The following FLVCR2 variants were observed in gnomAD, a reference collection of about 807,000 sequenced individuals.
FLVCR2 encodes the protein FLVCR choline and putative heme transporter 2.
FLVCR2 carries 38 observed loss-of-function variants against 48.9 expected under a neutral mutation model. That is an observed-to-expected ratio of 0.78 (90% CI 0.60 to 1.02). The LOEUF (loss-of-function observed/expected upper bound fraction) is 1.02, where lower values mean the gene tolerates loss of function less well. Among genes scored for constraint, FLVCR2 ranks in the 50% least tolerant of loss-of-function variants. The pLI is 0.00. For synonymous variants in FLVCR2, 255 were observed against 257.0 expected (o/e 0.99, Z 0.07); for missense variants, 664 against 663.3 (o/e 1.00, Z -0.01).
intron 1 of FLVCR2, among the ~76,000 whole-genome samples, chr14:75,621,168 C>T (rs1889754405): frequency 6.6e-6 from 1 of 152,102 alleles, no homozygotes; most frequent in Admixed American, 6.5e-5. Context: ...TGGTTTAGCA[C>T]TTTGGGAGGC....
At chr14:75,612,537 C>T (rs1309514519) in intron 1 of FLVCR2, among the ~76,000 whole-genome samples, 1 of 152,198 alleles carries the variant, frequency 6.6e-6, no homozygotes, top group Non-Finnish European at 1.5e-5. Context: ...TGAAGGCCTG[C>T]TACCTCCTTG....
At chr14:75,598,740 G>A (rs1889087179) in intron 1 of FLVCR2, among the ~76,000 whole-genome samples, 1 of 152,124 alleles carries the variant, frequency 6.6e-6, no homozygotes, top group Non-Finnish European at 1.5e-5. Context: ...CCTCCCACAG[G>A]GCTGGGATTA....
Position 75,633,662 on chromosome 14 carries a change from C to T in FLVCR2, c.986C>T (p.Thr329Ile), listed in dbSNP as rs763074367. Residue 329 changes from threonine (T) to isoleucine (I), a missense_variant, in exon 4 of 10, where the codon ACT becomes ATT. Physicochemically the swap from Thr to Ile is moderately conservative, Grantham distance 89. Transcript: ENST00000238667. ...LNAGAFYALS[T>I]LLNRMVIWHY... is the part of the protein sequence containing the mutation. ...GCTGGTGCTTTTTATGCCTTGTCCA[C>T]TCTTCTGAATCGCATGGTGATCTGG... The T allele has an allele frequency of 2.5e-6, 4 of 1,614,126 alleles. No homozygotes were observed. In the East Asian group the frequency reaches 6.7e-5, roughly 27 times the overall value.
chr14:75,617,021 T>G (rs1889636937), intron 1 of FLVCR2, among the ~76,000 whole-genome samples: 1 of 152,184 alleles, frequency 6.6e-6, no homozygotes, highest in South Asian at 2.1e-4. Flanking sequence ...ATCTGTGTGC[T>G]AGGGTTCTGA....
In FLVCR2 at chr14:75,641,002, A is replaced by G; in HGVS notation, c.1283A>G (p.Glu428Gly). 1 of 1,613,926 alleles carries G rather than the reference A, an allele frequency of 6.2e-7. No individual in the cohort carries two copies. The highest frequency in any genetic ancestry group is 8.5e-7 in the Non-Finnish European group (1 of 1,179,932). ...YLPLGFEFAV[E>G]LTYPESEGIS... ...CCACTGGGATTTGAGTTTGCTGTGG[A>G]GCTCACGTACCCAGAATCAGAAGGC... The change falls in exon 7 of 10, where the codon GAG (glutamate) becomes GGG (glycine). Residue 428 changes from glutamate to glycine, a missense_variant. Physicochemically the swap from Glu to Gly is moderately conservative, Grantham distance 98 (BLOSUM62 -2). Transcript: ENST00000238667.
intron 1 of FLVCR2, among the ~76,000 whole-genome samples, chr14:75,583,372 G>C (rs1407670027): frequency 6.6e-6 from 1 of 152,156 alleles, no homozygotes; most frequent in Non-Finnish European, 1.5e-5. Flanking sequence ...TGTAACAAGC[G>C]AGTGATAACA....
Position 75,639,370 on chromosome 14 carries a change from C to T in FLVCR2, c.1143C>T (p.Val381=). The T allele has an allele frequency of 6.2e-7, 1 of 1,613,282 alleles. No homozygotes were observed. The highest frequency in any genetic ancestry group is 8.5e-7 in the Non-Finnish European group (1 of 1,179,212). ...SKTYKETTLV[V]YIMTLVGMVV... ...CTTGTAGAGAGACAACCCTGGTAGTCTATATCATGACACTGGTGGGCATGG... is the reference window on the plus strand; with the variant it reads ...CTTGTAGAGAGACAACCCTGGTAGTTTATATCATGACACTGGTGGGCATGG... Residue 381 remains valine, a synonymous_variant, in exon 6 of 10, where the codon GTC becomes GTT. Transcript: ENST00000238667.
intron 1 of FLVCR2, among the ~76,000 whole-genome samples, chr14:75,605,052 G>A (rs908474117): frequency 6.6e-6 from 1 of 152,084 alleles, no homozygotes; most frequent in African/African-American, 2.4e-5. Context: ...GGGACCGGGC[G>A]GGGGGCGCCC....
chr14:75,603,856 A>G (rs1889224335), intron 1 of FLVCR2, among the ~76,000 whole-genome samples: 1 of 151,526 alleles, frequency 6.6e-6, no homozygotes, highest in Non-Finnish European at 1.5e-5. Context: ...TAAGTGAGGC[A>G]CCCCTGTCAT....
chr14:75,631,969 C>T, intron 3 of FLVCR2: 1 of 411,876 alleles, frequency 2.4e-6, no homozygotes, highest in Non-Finnish European at 4.9e-6. Flanking sequence ...GCTCACTGTG[C>T]TGCTCACTGT....
chr14:75,599,049 A>G (rs949843398), intron 1 of FLVCR2, among the ~76,000 whole-genome samples: 1 of 152,206 alleles, frequency 6.6e-6, no homozygotes, highest in Non-Finnish European at 1.5e-5. Flanking sequence ...TCATTTTCCT[A>G]CAGAAATGTT....
chr14:75,611,687 G>A (rs965202252), intron 1 of FLVCR2, among the ~76,000 whole-genome samples: 19 of 152,146 alleles, frequency 1.2e-4, no homozygotes, highest in East Asian at 5.8e-4. Flanking sequence ...TCAGTGAGCC[G>A]AGATCGCACC....
At chr14:75,624,451 C>T (rs923041694) in intron 2 of FLVCR2, among the ~76,000 whole-genome samples, 161 bp from the exon 3 acceptor site, 1 of 152,110 alleles carries the variant, frequency 6.6e-6, no homozygotes, top group Non-Finnish European at 1.5e-5. Context: ...TGAGAAGCAG[C>T]TTCAAGAAGG....
chr14:75,578,907 G>A lies in FLVCR2; in HGVS notation c.-66G>A, dbSNP rs762656584. 8.4e-5 allele frequency: 121 copies of A among 1,437,436 alleles called. No homozygotes were observed. The highest frequency in any genetic ancestry group is 1.2e-4 in the Non-Finnish European group (119 of 1,020,550). 89.0% of individuals were successfully genotyped at this position (1,437,436 alleles called of 1,614,324 possible). On this transcript the variant is annotated 5_prime_UTR_variant, in exon 1 of 10. Coordinates refer to ENST00000238667, the MANE Select transcript of FLVCR2 (RefSeq NM_017791.3). ...TTTCAACTCTAAGAGACCAGCAGAGGCCACTGTCCCTTAAGACTGCCGGAG... is the reference window on the plus strand; with the variant it reads ...TTTCAACTCTAAGAGACCAGCAGAGACCACTGTCCCTTAAGACTGCCGGAG...
chr14:75,645,005 AG>A (rs748146591), intron 9 of FLVCR2, among the ~76,000 whole-genome samples: 8 of 149,916 alleles, frequency 5.3e-5, no homozygotes, highest in Non-Finnish European at 1.2e-4. Flanking sequence ...TGTGATTTCC[AG>A]GTGATGGCTT....
At chr14:75,607,192 AG>A (rs1299341198) in intron 1 of FLVCR2, among the ~76,000 whole-genome samples, 1 of 152,150 alleles carries the variant, frequency 6.6e-6, no homozygotes, top group Non-Finnish European at 1.5e-5. Context: ...CCTGCCTCAC[AG>A]GGTTGCCATG....
chr14:75,602,015 A>G (rs1029857033), intron 1 of FLVCR2, among the ~76,000 whole-genome samples: 17 of 152,194 alleles, frequency 1.1e-4, no homozygotes, highest in African/African-American at 4.1e-4. Flanking sequence ...TTTATTATAC[A>G]CTTTACTCAC....
chr14:75,632,326 G>A (rs914986477), intron 3 of FLVCR2, among the ~76,000 whole-genome samples: 5 of 152,124 alleles, frequency 3.3e-5, no homozygotes, highest in Non-Finnish European at 7.3e-5. Context: ...CTACCTTTAG[G>A]CAACATTGCT....
intron 1 of FLVCR2, among the ~76,000 whole-genome samples, chr14:75,581,266 T>C (rs1885413410): frequency 6.6e-6 from 1 of 152,076 alleles, no homozygotes; most frequent in African/African-American, 2.4e-5. Flanking sequence ...GGACTAAGAA[T>C]TGGGAGGACC....
Sources: gnomAD v4.1 joint callset for allele counts (sites outside exome capture counted in the v4.1 genomes callset) on GRCh38, gnomAD v4.1.1 for gene constraint, MANE v1.5 for transcripts, NCBI Gene and HGNC (gene_info 2026-07-23, HGNC 2026-07-21) for gene names.